NRXN2: variants seen among roughly 807,000 people sequenced by gnomAD.
The protein encoded by NRXN2 is neurexin-2-beta.
A neutral mutation model predicts 128.8 loss-of-function variants in NRXN2; 29 were observed. The ratio of observed to expected loss-of-function variants is 0.23; its 90% CI spans 0.17 to 0.31. NRXN2 has a LOEUF of 0.31. Ranked by LOEUF, NRXN2 falls within the 10% of genes least tolerant of loss-of-function variation. The pLI is 1.00. For missense variants in NRXN2, 1,881 were observed against 2,452.6 expected, an observed-to-expected ratio of 0.77 and a Z score of 4.92; for synonymous variants, 1,098 against 1,075.2, an observed-to-expected ratio of 1.02 and a Z score of -0.41.
chr11:64,688,732 T>C, intron 5 of NRXN2: 1 of 985,312 alleles, frequency 1.0e-6, no homozygotes, highest in Non-Finnish European at 1.2e-6. Context: ...GCCCTACAAG[T>C]GTCCCCAGTG....
chr11:64,626,678 A>T, intron 19 of NRXN2, 126 bp from the exon 20 acceptor site: 2 of 783,982 alleles, frequency 2.6e-6, no homozygotes, highest in Non-Finnish European at 4.5e-6. Flanking sequence ...AGGGGAAGGG[A>T]GGAAAAGAAA....
chr11:64,620,541 C>T (rs972148428), intron 21 of NRXN2, among the ~76,000 whole-genome samples, 169 bp from the exon 22 acceptor site: 1 of 152,002 alleles, frequency 6.6e-6, no homozygotes, highest in Non-Finnish European at 1.5e-5. Context: ...CTCGGGCCTC[C>T]ATTTCCTGCT....
intron 2 of NRXN2, chr11:64,712,735 G>A (rs2057059025): frequency 1.5e-6 from 1 of 666,104 alleles, no homozygotes; most frequent in African/African-American, 1.8e-5. Context: ...GGTCGCCGCA[G>A]GACTCACGCT....
Position 64,685,928 on chromosome 11 carries a change from C to T in NRXN2, c.870G>A (p.Ala290=), listed in dbSNP as rs754591841. The part of the protein sequence containing the change: ...QPTKGKEEFV[A]TFKGNEFFCY... ...AGAAGAACTCATTGCCTTTGAAGGT[C>T]GCCACAAACTCCTCCTTGCCTGGAT... is the stretch of plus-strand genomic sequence containing the variant. Residue 290 remains alanine, a synonymous_variant, in exon 6 of 23, where the codon GCG becomes GCA. Coordinates refer to ENST00000265459, the MANE Select transcript of NRXN2 (RefSeq NM_015080.4). 6 of 1,614,122 alleles carry T rather than the reference C, an allele frequency of 3.7e-6. No homozygotes were observed. The East Asian group carries it at 8.9e-5, about 24-fold the overall frequency.
rs769945564 is a variant in NRXN2, at chr11:64,607,703, C to A, written c.4632G>T (p.Thr1544=). 3.2e-6 allele frequency: 5 copies of A among 1,546,492 alleles called. No individual in the cohort carries two copies. The highest frequency in any genetic ancestry group is 4.4e-6 in the Non-Finnish European group (5 of 1,143,612). ...GGGCAAACAGCACCCCAGGGGCGCC[C>A]GTGGCCCCATCTGTCCTGAGGTTGG... The part of the protein sequence containing the change: ...PRPNLRTDGA[T]GAPGVLFAPS... Residue 1544 remains threonine, a synonymous_variant, in exon 23 of 23, where the codon ACG becomes ACT. Transcript: ENST00000265459.
chr11:64,721,494 C>T (rs2057431533), intron 1 of NRXN2, among the ~76,000 whole-genome samples: 2 of 152,034 alleles, frequency 1.3e-5, no homozygotes, highest in Non-Finnish European at 2.9e-5. Flanking sequence ...CCCCTGTCTC[C>T]CAAAAGATCC....
rs1015202798 is a variant in NRXN2, at chr11:64,686,697, G to C, written c.851-750C>G. ...CCAAGGACGGCGCAGACAGGCCCAA[G>C]ATGGAGGGCAAAGAGTGCCTGGATG... is the stretch of plus-strand genomic sequence containing the variant. On this transcript the variant is annotated intron_variant, in intron 5 of 22. Coordinates refer to ENST00000265459, the MANE Select transcript of NRXN2 (RefSeq NM_015080.4). Among the ~76,000 whole-genome samples the C allele has an allele frequency of 2.6e-5, 4 of 152,234 alleles. 1 individual carries two copies. In the South Asian group the frequency reaches 6.2e-4, roughly 24 times the overall value.
At chr11:64,666,446 C>T (rs973293875) in intron 9 of NRXN2, among the ~76,000 whole-genome samples, 1 of 152,114 alleles carries the variant, frequency 6.6e-6, no homozygotes, top group Non-Finnish European at 1.5e-5. Flanking sequence ...AAATGATCCA[C>T]CCACTTCGGC....
At chr11:64,710,644 C>T (rs2056799513) in intron 2 of NRXN2, among the ~76,000 whole-genome samples, 2 of 152,114 alleles carry the variant, frequency 1.3e-5, no homozygotes, top group South Asian at 4.1e-4. Flanking sequence ...CTTAGGCAGG[C>T]TTTGGGGGAA....
chr11:64,638,427 G>A (rs550485621), intron 17 of NRXN2, among the ~76,000 whole-genome samples: 2 of 152,288 alleles, frequency 1.3e-5, no homozygotes, highest in South Asian at 2.1e-4. Context: ...TGGGGTTCGG[G>A]AGACCGCGGG....
chr11:64,651,635 T>C lies in NRXN2; in HGVS notation c.2538A>G (p.Gly846=). The change falls in exon 14 of 23, where the codon GGA becomes GGG. Residue 846 remains glycine (G), a splice_region_variant and synonymous_variant. Coordinates refer to ENST00000265459, the MANE Select transcript of NRXN2 (RefSeq NM_015080.4). This position sits in a 1 kb window ranked among gnomAD's most constrained non-coding sequence, Gnocchi z 5.9. The part of the protein sequence containing the change: ...QLSVDNVTVE[G]QMAGAHMRLE... ...GCCGCATATGGGCTCCTGCCATCTG[T>C]CCTGCTCAGGACAGGAGACCAAGAT... 1.9e-6 allele frequency: 3 copies of C among 1,613,834 alleles called. No individual in the cohort carries two copies. Among genetic ancestry groups the C allele is most frequent in the Non-Finnish European group, 2.5e-6 (3 of 1,179,990 alleles).
chr11:64,626,850 C>T (rs919643723), intron 19 of NRXN2, among the ~76,000 whole-genome samples: 2 of 152,160 alleles, frequency 1.3e-5, no homozygotes, highest in African/African-American at 4.8e-5. Flanking sequence ...AGAGGTTAAA[C>T]AGGTTTATCT....
chr11:64,630,095 A>C lies in NRXN2; in HGVS notation c.3757+307T>G, dbSNP rs1591612483. Among the ~76,000 whole-genome samples the C allele has an allele frequency of 1.8e-4, 25 of 141,126 alleles. No homozygotes were observed. Among genetic ancestry groups the C allele is most frequent in the South Asian group, 4.7e-4 (2 of 4,212 alleles). The allele number at this position is 141,126 out of a possible 152,430, so 92.6% of individuals were successfully genotyped here. Reference sequence around the variant, plus strand: ...TTCTCCTCACCTCTACCCTCCCTCCACTTCTCCCCCCACCCCCAAACTGGA... The same window carrying C: ...TTCTCCTCACCTCTACCCTCCCTCCCCTTCTCCCCCCACCCCCAAACTGGA... On this transcript the variant is annotated intron_variant, in intron 19 of 22. Coordinates refer to ENST00000265459, the MANE Select transcript of NRXN2 (RefSeq NM_015080.4). This position sits in a 1 kb window ranked among gnomAD's most constrained non-coding sequence, Gnocchi z 4.6.
intron 22 of NRXN2, among the ~76,000 whole-genome samples, chr11:64,617,549 GC>G (rs1375728763): frequency 6.6e-6 from 1 of 152,226 alleles, no homozygotes; most frequent in Non-Finnish European, 1.5e-5. Flanking sequence ...CTGTGGAGGA[GC>G]CCAGGTTAGG....
At chr11:64,645,580 C>T (rs796397773) in intron 17 of NRXN2, among the ~76,000 whole-genome samples, 6 of 152,216 alleles carry the variant, frequency 3.9e-5, no homozygotes, top group African/African-American at 1.4e-4. Flanking sequence ...ATTTCATATT[C>T]TCTTTTTCAT....
intron 11 of NRXN2, among the ~76,000 whole-genome samples, chr11:64,658,911 G>C (rs1296655149): frequency 6.6e-6 from 1 of 152,194 alleles, no homozygotes; most frequent in African/African-American, 2.4e-5. Flanking sequence ...TGTAATCCCA[G>C]CTACTCGGGA....
chr11:64,648,615 A>C lies in NRXN2; in HGVS notation c.3283+119T>G. The C allele has an allele frequency of 2.2e-6, 3 of 1,390,140 alleles. No homozygotes were observed. Among genetic ancestry groups the C allele is most frequent in the South Asian group, 2.4e-5 (2 of 84,630 alleles). The allele number at this position is 1,390,140 out of a possible 1,614,324, so 86.1% of individuals were successfully genotyped here. ...CCCAGAACTGTGGGGGCAAGCTCCCATAAGGCCTGAGAAGGAAGGCCCCTT... is the reference window on the plus strand; with the variant it reads ...CCCAGAACTGTGGGGGCAAGCTCCCCTAAGGCCTGAGAAGGAAGGCCCCTT... On this transcript the variant is annotated intron_variant, in intron 16 of 22. Coordinates refer to ENST00000265459, the MANE Select transcript of NRXN2 (RefSeq NM_015080.4). The surrounding 1 kb of genome is among the most constrained non-coding windows in gnomAD (Gnocchi z 4.1).
chr11:64,678,787 C>A (rs1347403967), intron 6 of NRXN2, among the ~76,000 whole-genome samples: 1 of 151,068 alleles, frequency 6.6e-6, no homozygotes, highest in Non-Finnish European at 1.5e-5. Flanking sequence ...AAACTGCACC[C>A]CCGAGAGTGT....
intron 2 of NRXN2, among the ~76,000 whole-genome samples, chr11:64,702,069 G>A (rs1234003668): frequency 6.7e-6 from 1 of 148,194 alleles, no homozygotes; most frequent in African/African-American, 2.5e-5. Flanking sequence ...CTGCCCTGCC[G>A]CCCCTACTGG....
Sources: allele counts gnomAD v4.1 joint callset (sites outside exome capture counted in the v4.1 genomes callset), GRCh38; gene constraint gnomAD v4.1.1; non-coding constraint Gnocchi (gnomAD v3.1); transcripts MANE v1.5; gene names NCBI Gene and HGNC (gene_info 2026-07-23, HGNC 2026-07-21).